The following GALNTL6 variants were observed in gnomAD, a reference collection of about 807,000 sequenced individuals.
The protein encoded by GALNTL6 is polypeptide N-acetylgalactosaminyltransferase like 6.
A neutral mutation model predicts 73.7 loss-of-function variants in GALNTL6; 46 were observed. That is an observed-to-expected ratio of 0.62 (90% CI 0.49 to 0.80). The LOEUF (loss-of-function observed/expected upper bound fraction) is 0.80, where lower values mean the gene tolerates loss of function less well. Among genes scored for constraint, GALNTL6 ranks in the 30% least tolerant of loss-of-function variants. GALNTL6 has a pLI of 0.00. For synonymous variants in GALNTL6, 259 were observed against 263.7 expected (o/e 0.98, Z 0.17); for missense variants, 604 against 755.0 (o/e 0.80, Z 2.34).
chr4:172,285,216 C>T (rs1195632428), intron 3 of GALNTL6, among the ~76,000 whole-genome samples: 1 of 152,130 alleles, frequency 6.6e-6, no homozygotes, highest in East Asian at 1.9e-4. Context: ...TTCTGTTCTA[C>T]ACACTAGTAA....
intron 10 of GALNTL6, among the ~76,000 whole-genome samples, chr4:173,001,258 T>C (rs1752033121): frequency 6.6e-6 from 1 of 152,344 alleles, no homozygotes; most frequent in South Asian, 2.1e-4. Context: ...AATAAATTGC[T>C]GTAGTTTAAT....
At chr4:172,571,646 A>G (rs1736766187) in intron 5 of GALNTL6, among the ~76,000 whole-genome samples, 1 of 152,242 alleles carries the variant, frequency 6.6e-6, no homozygotes, top group Non-Finnish European at 1.5e-5. Context: ...GAAATTCAAC[A>G]TAATTGGGGA....
chr4:172,221,941 T>C (rs1355107827), intron 2 of GALNTL6, among the ~76,000 whole-genome samples: 1 of 151,884 alleles, frequency 6.6e-6, no homozygotes, highest in Non-Finnish European at 1.5e-5. Flanking sequence ...AATAATGTTA[T>C]TCTTTTTTCT....
At chr4:172,525,994 ATTC>A (rs1554032548) in intron 5 of GALNTL6, among the ~76,000 whole-genome samples, 3 of 152,118 alleles carry the variant, frequency 2.0e-5, no homozygotes, top group Non-Finnish European at 4.4e-5. Flanking sequence ...TATTTTTCCT[ATTC>A]TTATTCACAC....
At chr4:172,539,632 T>G (rs1735475949) in intron 5 of GALNTL6, among the ~76,000 whole-genome samples, 1 of 152,088 alleles carries the variant, frequency 6.6e-6, no homozygotes, top group Non-Finnish European at 1.5e-5. Context: ...ATAACCTTTC[T>G]TAAATCATTT....
At chr4:172,286,611 G>A (rs1241412094) in intron 3 of GALNTL6, among the ~76,000 whole-genome samples, 4 of 152,148 alleles carry the variant, frequency 2.6e-5, no homozygotes, top group Non-Finnish European at 5.9e-5. Flanking sequence ...AAAGGACTCA[G>A]GAATTATATA....
chr4:172,887,681 A>G (rs1440808366), intron 8 of GALNTL6, among the ~76,000 whole-genome samples: 1 of 151,966 alleles, frequency 6.6e-6, no homozygotes, highest in Non-Finnish European at 1.5e-5. Context: ...ATCCTGCCTC[A>G]GCCTCCCATG....
chr4:172,106,588 T>G (rs189244607), intron 2 of GALNTL6, among the ~76,000 whole-genome samples: 27 of 152,268 alleles, frequency 1.8e-4, no homozygotes, highest in Admixed American at 1.2e-3. Flanking sequence ...CAATTGAATA[T>G]GACAGGAAAT....
intron 5 of GALNTL6, among the ~76,000 whole-genome samples, chr4:172,613,778 G>A (rs1738618449): frequency 6.6e-6 from 1 of 152,026 alleles, no homozygotes; most frequent in Non-Finnish European, 1.5e-5. Context: ...TCTTGGCTCT[G>A]TTTTTCCTTC....
At chr4:172,184,143 T>G (rs1735346393) in intron 2 of GALNTL6, among the ~76,000 whole-genome samples, 1 of 152,196 alleles carries the variant, frequency 6.6e-6, no homozygotes, top group Admixed American at 6.5e-5. Context: ...AGGATGGAGA[T>G]TCTGCCCCTC....
intron 4 of GALNTL6, among the ~76,000 whole-genome samples, chr4:172,317,372 C>T (rs1740596645): frequency 6.6e-6 from 1 of 152,136 alleles, no homozygotes; most frequent in Non-Finnish European, 1.5e-5. Flanking sequence ...GCTTCCTCAC[C>T]ATGTATGAAG....
intron 5 of GALNTL6, among the ~76,000 whole-genome samples, chr4:172,793,712 A>C (rs1740116923): frequency 6.6e-6 from 1 of 152,224 alleles, no homozygotes; most frequent in Non-Finnish European, 1.5e-5. Flanking sequence ...TGCCAGTGAC[A>C]GACTATAAAA....
intron 5 of GALNTL6, among the ~76,000 whole-genome samples, chr4:172,355,669 C>G (rs998746374): frequency 6.6e-6 from 1 of 152,032 alleles, no homozygotes; most frequent in African/African-American, 2.4e-5. Context: ...AGTTTTCTGA[C>G]TTAGTTAATT....
chr4:172,634,355 A>G (rs1363888006), intron 5 of GALNTL6, among the ~76,000 whole-genome samples: 1 of 152,000 alleles, frequency 6.6e-6, no homozygotes, highest in Non-Finnish European at 1.5e-5. Flanking sequence ...AAAAACTGAA[A>G]ATTTTTATAT....
chr4:171,963,775 C>T (rs967343398), intron 2 of GALNTL6, among the ~76,000 whole-genome samples: 13 of 151,316 alleles, frequency 8.6e-5, no homozygotes, highest in Admixed American at 3.9e-4. Flanking sequence ...AACAGTATTG[C>T]TATACAGGAA....
chr4:172,603,679 C>G (rs1489207422), intron 5 of GALNTL6, among the ~76,000 whole-genome samples: 1 of 151,956 alleles, frequency 6.6e-6, no homozygotes, highest in Non-Finnish European at 1.5e-5. Context: ...GAAGACAAAA[C>G]CTTTAAAACT....
At chr4:172,853,060 C>G (rs1743921195) in intron 7 of GALNTL6, among the ~76,000 whole-genome samples, 1 of 152,174 alleles carries the variant, frequency 6.6e-6, no homozygotes, top group South Asian at 2.1e-4. Flanking sequence ...CATTTATTAT[C>G]TCATGGTTTC....
intron 5 of GALNTL6, among the ~76,000 whole-genome samples, chr4:172,438,613 A>G (rs2111396503): frequency 6.6e-6 from 1 of 152,160 alleles, no homozygotes; most frequent in Middle Eastern, 3.4e-3. Context: ...GTTAAATCTT[A>G]CTTTTTGCTT....
chr4:173,006,140 T>C (rs891028604), intron 10 of GALNTL6, among the ~76,000 whole-genome samples: 1 of 152,162 alleles, frequency 6.6e-6, no homozygotes, highest in Non-Finnish European at 1.5e-5. Context: ...CCAGCCGACA[T>C]AGGAGAGTAA....
Sources: allele counts gnomAD v4.1 joint callset (sites outside exome capture counted in the v4.1 genomes callset), GRCh38; gene constraint gnomAD v4.1.1; transcripts MANE v1.5; gene names NCBI Gene and HGNC (gene_info 2026-07-23, HGNC 2026-07-21).